RCAN2: variants seen among roughly 807,000 people sequenced by gnomAD.
RCAN2 encodes regulator of calcineurin 2.
In RCAN2, 9 loss-of-function variants were observed where a neutral mutation model predicts 23.6. The observed-to-expected ratio is 0.38, with a 90% CI of 0.23 to 0.67. The LOEUF (loss-of-function observed/expected upper bound fraction) is 0.67. Ranked by LOEUF, RCAN2 falls within the 30% of genes least tolerant of loss-of-function variation. The pLI, the probability that RCAN2 is intolerant of heterozygous loss-of-function variation, is 0.51. For synonymous variants in RCAN2, 109 were observed against 115.7 expected (o/e 0.94, Z 0.37); for missense variants, 273 against 302.3 (o/e 0.90, Z 0.72).
intron 1 of RCAN2, among the ~76,000 whole-genome samples, chr6:46,463,438 T>C (rs1768280485): frequency 1.3e-5 from 2 of 152,210 alleles, no homozygotes; most frequent in African/African-American, 2.4e-5. Context: ...GTGAACTCCT[T>C]GTAGTGGTGA....
At chr6:46,476,804 AT>A (rs1045096213) in intron 1 of RCAN2, among the ~76,000 whole-genome samples, 99 of 152,268 alleles carry the variant, frequency 6.5e-4, no homozygotes, top group African/African-American at 2.4e-3. Flanking sequence ...CAGTCAGAAG[AT>A]TTTTGGAAAG....
At chr6:46,232,302 A>G (rs1765923850) in intron 4 of RCAN2, among the ~76,000 whole-genome samples, 1 of 152,204 alleles carries the variant, frequency 6.6e-6, no homozygotes, top group Admixed American at 6.5e-5. Context: ...TTCTCTCTAA[A>G]ATATTTTGGC....
intron 4 of RCAN2, among the ~76,000 whole-genome samples, chr6:46,237,497 G>A (rs1004626719): frequency 6.6e-6 from 1 of 152,074 alleles, no homozygotes; most frequent in Non-Finnish European, 1.5e-5. Context: ...TCCAAAGATG[G>A]TCATAATGTT....
At chr6:46,298,589 G>A (rs1004795875) in intron 2 of RCAN2, among the ~76,000 whole-genome samples, 21 of 151,932 alleles carry the variant, frequency 1.4e-4, no homozygotes, top group African/African-American at 5.1e-4. Flanking sequence ...GGTAGATACC[G>A]TACAAACTAA....
intron 2 of RCAN2, among the ~76,000 whole-genome samples, chr6:46,331,251 T>A (rs940821840): frequency 1.3e-5 from 2 of 152,160 alleles, no homozygotes; most frequent in Non-Finnish European, 2.9e-5. Context: ...CCTCAAGTGA[T>A]CCTCCTGCCT....
intron 4 of RCAN2, among the ~76,000 whole-genome samples, chr6:46,237,384 T>C (rs1349422696): frequency 6.6e-6 from 1 of 152,236 alleles, no homozygotes. Flanking sequence ...AGTTTTGGAC[T>C]CTGGAAGAAG....
chr6:46,313,880 C>T (rs980215106), intron 2 of RCAN2, among the ~76,000 whole-genome samples: 2 of 152,140 alleles, frequency 1.3e-5, no homozygotes, highest in Non-Finnish European at 2.9e-5. Context: ...ATATAGAATA[C>T]TATTTTGCTA....
At chr6:46,290,872 T>C (rs1762536595) in intron 2 of RCAN2, among the ~76,000 whole-genome samples, 1 of 152,178 alleles carries the variant, frequency 6.6e-6, no homozygotes. Context: ...AATTACAACA[T>C]TTATTGGTAG....
chr6:46,442,152 C>T (rs1001190063), intron 2 of RCAN2, among the ~76,000 whole-genome samples: 2 of 152,154 alleles, frequency 1.3e-5, no homozygotes, highest in African/African-American at 4.8e-5. Flanking sequence ...GCTGTTGAGA[C>T]TAAAGAAAAT....
chr6:46,442,709 TG>T (rs1243294613), intron 2 of RCAN2, among the ~76,000 whole-genome samples: 1 of 152,226 alleles, frequency 6.6e-6, no homozygotes, highest in Admixed American at 6.5e-5. Context: ...ACCCACTTTT[TG>T]GCACAGAATC....
At chr6:46,285,177 T>A (rs778974836) in intron 2 of RCAN2, among the ~76,000 whole-genome samples, 12 of 152,352 alleles carry the variant, frequency 7.9e-5, no homozygotes, top group Non-Finnish European at 1.8e-4. Flanking sequence ...TGTGTGTGTA[T>A]GCGTAAAATT....
chr6:46,454,281 T>C lies in RCAN2; in HGVS notation c.225+2471A>G, dbSNP rs551772442. Among the ~76,000 whole-genome samples the C allele has an allele frequency of 4.6e-5, 7 of 152,324 alleles. No individual in the cohort carries two copies. In the East Asian group the frequency reaches 1.2e-3, roughly 25 times the overall value. Reference sequence around the variant, plus strand: ...TAAGTGATTTTATCATAATAGTTTTTTAAAAAGGAGGTTAAATGAAAGAAA... The same window carrying C: ...TAAGTGATTTTATCATAATAGTTTTCTAAAAAGGAGGTTAAATGAAAGAAA... On this transcript the variant is annotated intron_variant, in intron 2 of 4. Coordinates refer to ENST00000371374, the MANE Select transcript of RCAN2 (RefSeq NM_001251974.2).
At chr6:46,399,248 C>T (rs778120530) in intron 2 of RCAN2, among the ~76,000 whole-genome samples, 2 of 151,954 alleles carry the variant, frequency 1.3e-5, no homozygotes, top group African/African-American at 2.4e-5. Flanking sequence ...TCTTTCTCCT[C>T]CAATCCCTAG....
intron 2 of RCAN2, among the ~76,000 whole-genome samples, chr6:46,316,242 A>C (rs1763433994): frequency 6.6e-6 from 1 of 152,236 alleles, no homozygotes; most frequent in Non-Finnish European, 1.5e-5. Flanking sequence ...GAATGACATT[A>C]CTTGCATGTG....
intron 2 of RCAN2, among the ~76,000 whole-genome samples, chr6:46,415,762 T>C (rs1766695148): frequency 6.6e-6 from 1 of 152,152 alleles, no homozygotes; most frequent in African/African-American, 2.4e-5. Context: ...AAGATGAGCA[T>C]GTGAAGGACA....
chr6:46,258,500 G>A (rs1231508444), intron 2 of RCAN2, among the ~76,000 whole-genome samples: 1 of 152,216 alleles, frequency 6.6e-6, no homozygotes, highest in Non-Finnish European at 1.5e-5. Context: ...ACTGCTTCAA[G>A]AAAAGATAGC....
intron 4 of RCAN2, among the ~76,000 whole-genome samples, chr6:46,231,558 C>A (rs149483183): frequency 5.3e-5 from 8 of 151,910 alleles, no homozygotes; most frequent in Admixed American, 4.6e-4. Flanking sequence ...TACAGGTGCA[C>A]GCCACCGTGC....
At chr6:46,394,836 A>G (rs1766043935) in intron 2 of RCAN2, among the ~76,000 whole-genome samples, 1 of 152,240 alleles carries the variant, frequency 6.6e-6, no homozygotes, top group African/African-American at 2.4e-5. Context: ...TAAAGAGATG[A>G]CAATAGCTTA....
intron 2 of RCAN2, among the ~76,000 whole-genome samples, chr6:46,398,359 A>C (rs1188117297): frequency 6.6e-6 from 1 of 152,190 alleles, no homozygotes. Context: ...CTCGTAGACT[A>C]GTGTTTCTTC....
Sources: allele counts gnomAD v4.1 joint callset (sites outside exome capture counted in the v4.1 genomes callset), GRCh38; gene constraint gnomAD v4.1.1; transcripts MANE v1.5; gene names NCBI Gene and HGNC (gene_info 2026-07-23, HGNC 2026-07-21).